NRP1: variants seen among roughly 807,000 people sequenced by gnomAD.
NRP1 encodes the protein neuropilin-1.
A neutral mutation model predicts 106.7 loss-of-function variants in NRP1; 35 were observed. The observed-to-expected ratio is 0.33, with a 90% CI of 0.25 to 0.43. NRP1 has a LOEUF of 0.43. Ranked by LOEUF, NRP1 falls within the 20% of genes least tolerant of loss-of-function variation. NRP1 has a pLI of 1.00. For synonymous variants in NRP1, 437 were observed against 417.9 expected (o/e 1.05, Z -0.56); for missense variants, 1,024 against 1,170.4 (o/e 0.87, Z 1.83).
At chr10:33,305,975 G>T (rs192897339) in intron 2 of NRP1, among the ~76,000 whole-genome samples, 10 of 152,066 alleles carry the variant, frequency 6.6e-5, no homozygotes, top group African/African-American at 2.2e-4. Flanking sequence ...CACCATGTTG[G>T]CCAGGCTGGT....
intron 11 of NRP1, among the ~76,000 whole-genome samples, chr10:33,198,276 G>T (rs1268144353): frequency 6.6e-6 from 1 of 151,636 alleles, no homozygotes; most frequent in Non-Finnish European, 1.5e-5. Context: ...CGAGTAGCTG[G>T]GATTACAGGC....
chr10:33,230,597 ATGTGTGTGTGTGTG>A (rs10558085), intron 6 of NRP1, among the ~76,000 whole-genome samples: 99 of 144,694 alleles, frequency 6.8e-4, no homozygotes, highest in South Asian at 1.1e-3. Flanking sequence ...TTTCTCATAT[ATGTGTGTGTGTGTG>A]TGTGTGTGTG....
chr10:33,326,916 A>T (rs1235497419), intron 2 of NRP1, among the ~76,000 whole-genome samples: 1 of 152,204 alleles, frequency 6.6e-6, no homozygotes, highest in Non-Finnish European at 1.5e-5. Flanking sequence ...TTATGAAATG[A>T]TGTTTTTTAC....
At chr10:33,258,022 G>A (rs1012168411) in intron 4 of NRP1, among the ~76,000 whole-genome samples, 2 of 152,166 alleles carry the variant, frequency 1.3e-5, no homozygotes, top group Admixed American at 1.3e-4. Context: ...ACAGGGACGT[G>A]GTGTTTCAAG....
chr10:33,320,027 CCGGGGCCGGGCGTGGTGG>C (rs1847372679), intron 2 of NRP1, among the ~76,000 whole-genome samples: 1 of 148,790 alleles, frequency 6.7e-6, no homozygotes, highest in African/African-American at 2.5e-5. Flanking sequence ...AAAGCCTGCT[CCGGGGCCGGGCGTGGTGG>C]CTCACGCCTG....
At chr10:33,260,985 C>CAAAAAAAAAA (rs35665366) in intron 4 of NRP1, among the ~76,000 whole-genome samples, 1 of 60,076 alleles carries the variant, frequency 1.7e-5, no homozygotes, top group East Asian at 5.6e-4. Context: ...TGCCATTGAC[C>CAAAAAAAAAA]AAAAAAAAAA....
intron 11 of NRP1, among the ~76,000 whole-genome samples, chr10:33,198,290 C>T (rs932435124): frequency 1.3e-5 from 2 of 151,768 alleles, no homozygotes; most frequent in Non-Finnish European, 2.9e-5. Flanking sequence ...TACAGGCGTG[C>T]ACTACCATGC....
intron 1 of NRP1, 105 bp from the exon 2 acceptor site, chr10:33,330,987 G>GAAT: frequency 9.7e-7 from 1 of 1,027,486 alleles, no homozygotes; most frequent in Non-Finnish European, 1.4e-6. Context: ...ACTTTTTAAG[G>GAAT]GGAACTCTAA....
chr10:33,229,029 G>A (rs958671765), intron 6 of NRP1, among the ~76,000 whole-genome samples: 4 of 152,162 alleles, frequency 2.6e-5, no homozygotes, highest in East Asian at 1.9e-4. Flanking sequence ...AAAAAGGGGA[G>A]GTGATTGAAG....
chr10:33,328,001 A>C (rs1360457), intron 2 of NRP1, among the ~76,000 whole-genome samples: 1 of 152,000 alleles, frequency 6.6e-6, no homozygotes, highest in Non-Finnish European at 1.5e-5. Context: ...CCAGGAGATG[A>C]CACCTTCACA....
At position 33,207,450 on chromosome 10, in the gene NRP1, C is replaced by T. The variant is rs973126775; in HGVS notation, c.1759+122G>A. The T allele has an allele frequency of 1.1e-4, 110 of 1,036,534 alleles. 1 individual carries two copies. Among genetic ancestry groups the T allele is most frequent in the Non-Finnish European group, 1.3e-4 (94 of 707,378 alleles). The allele number at this position is 1,036,534 out of a possible 1,614,324, so 64.2% of individuals were successfully genotyped here. The stretch of plus-strand genomic sequence containing the variant: ...TTGAGTCTCACTGATGGGCAGGCAC[C>T]GAGATAAGGGGCCTCCCAAGGGAAA... On this transcript the variant is annotated intron_variant, in intron 10 of 16. Transcript: ENST00000374867.
At chr10:33,230,850 C>T (rs1454688865) in intron 6 of NRP1, among the ~76,000 whole-genome samples, 5 of 152,018 alleles carry the variant, frequency 3.3e-5, no homozygotes, top group Non-Finnish European at 7.4e-5. Flanking sequence ...GTTAATCTGT[C>T]TTTTGTCAGT....
chr10:33,181,505 G>A (rs761521187), intron 16 of NRP1, among the ~76,000 whole-genome samples: 1 of 152,162 alleles, frequency 6.6e-6, no homozygotes, highest in Non-Finnish European at 1.5e-5. Flanking sequence ...TGATGATAAG[G>A]GTGCAGCACC....
At position 33,273,026 on chromosome 10, in the gene NRP1, T is replaced by C. The variant is rs146820032; in HGVS notation, c.249-2170A>G. On this transcript the variant is annotated intron_variant, in intron 2 of 16. Transcript: ENST00000374867. ...GTATTTTAATTCACATATCCTCCAA[T>C]AGTAAATACTAGGCGCTCCTCTTGG... is the stretch of plus-strand genomic sequence containing the variant. Among the ~76,000 whole-genome samples, 516 of 137,566 alleles carry C rather than the reference T, an allele frequency of 3.8e-3. 4 individuals carry two copies. Among genetic ancestry groups the C allele is most frequent in the African/African-American group, 0.014 (499 of 36,408 alleles). The allele number at this position is 137,566 out of a possible 152,430, so 90.2% of individuals were successfully genotyped here.
chr10:33,216,974 A>G (rs1838832004), intron 8 of NRP1, among the ~76,000 whole-genome samples: 1 of 152,092 alleles, frequency 6.6e-6, no homozygotes, highest in South Asian at 2.1e-4. Flanking sequence ...TAACCACAGT[A>G]TTTGCTCCAG....
chr10:33,305,963 T>G (rs1175043548), intron 2 of NRP1, among the ~76,000 whole-genome samples: 2 of 151,970 alleles, frequency 1.3e-5, no homozygotes, highest in Non-Finnish European at 2.9e-5. Flanking sequence ...GAGATGGGGT[T>G]TCACCATGTT....
intron 4 of NRP1, among the ~76,000 whole-genome samples, chr10:33,262,595 C>G (rs572823267): frequency 6.7e-6 from 1 of 149,862 alleles, no homozygotes; most frequent in Non-Finnish European, 1.5e-5. Context: ...CCCAGCTACT[C>G]GGGAGGCTGA....
chr10:33,305,789 G>GA (rs5784332), intron 2 of NRP1, among the ~76,000 whole-genome samples: 1,737 of 150,550 alleles, frequency 0.012, 34 homozygotes, highest in African/African-American at 0.04. Context: ...TTTTCTTTGA[G>GA]ATAGAGTCTC....
intron 6 of NRP1, among the ~76,000 whole-genome samples, chr10:33,243,003 G>C (rs1841136256): frequency 6.6e-6 from 1 of 152,172 alleles, no homozygotes; most frequent in Admixed American, 6.5e-5. Flanking sequence ...GGTGTGAACA[G>C]TCTGTAATGG....
Sources: gnomAD v4.1 joint callset for allele counts (sites outside exome capture counted in the v4.1 genomes callset) on GRCh38, gnomAD v4.1.1 for gene constraint, MANE v1.5 for transcripts, NCBI Gene and HGNC (gene_info 2026-07-23, HGNC 2026-07-21) for gene names.